KIAA2012: variants seen among roughly 807,000 people sequenced by gnomAD.
The protein encoded by KIAA2012 is KIAA2012.
A neutral mutation model predicts 150.6 loss-of-function variants in KIAA2012; 125 were observed. The ratio of observed to expected loss-of-function variants is 0.83; its 90% CI spans 0.72 to 0.96. KIAA2012 has a LOEUF of 0.96. KIAA2012 is among the 40% of genes least tolerant of loss of function. The probability of loss-of-function intolerance (pLI) is 0.00; values close to 1 mark genes in which losing one functional copy is unlikely to be tolerated. For synonymous variants in KIAA2012, 462 were observed against 504.7 expected (o/e 0.92, Z 1.13); for missense variants, 1,219 against 1,354.9 (o/e 0.90, Z 1.57).
At chr2:202,190,586 C>T in intron 19 of KIAA2012, 93 bp downstream of exon 19, 1 of 946,186 alleles carries the variant, frequency 1.1e-6, no homozygotes, top group Non-Finnish European at 1.6e-6. Flanking sequence ...TTATATTGCA[C>T]TTACTAAAAC....
intron 2 of KIAA2012, among the ~76,000 whole-genome samples, chr2:202,083,650 C>T (rs1002072233): frequency 6.6e-6 from 1 of 151,968 alleles, no homozygotes; most frequent in Non-Finnish European, 1.5e-5. Context: ...TTCAATCGAG[C>T]CAACGTCTGA....
chr2:202,180,413 T>C (rs1441314680), intron 15 of KIAA2012, among the ~76,000 whole-genome samples: 1 of 152,242 alleles, frequency 6.6e-6, no homozygotes, highest in Non-Finnish European at 1.5e-5. Context: ...TCTACATGGC[T>C]TAAATCGACT....
chr2:202,194,896 G>A (rs907963293), intron 21 of KIAA2012, among the ~76,000 whole-genome samples: 2 of 151,944 alleles, frequency 1.3e-5, no homozygotes, highest in African/African-American at 4.8e-5. Context: ...AGCCTTCCAA[G>A]TAGCTGGGAT....
chr2:202,196,916 G>A lies in KIAA2012; in HGVS notation c.3304G>A (p.Glu1102Lys). The change falls in exon 22 of 24, where the codon GAA (glutamate) becomes AAA (lysine). Residue 1102 changes from glutamate (E) to lysine (K), a missense_variant. Glu to Lys is a moderately conservative substitution (Grantham distance 56). Coordinates refer to ENST00000498697, the MANE Select transcript of KIAA2012 (RefSeq NM_001277372.4). Reference sequence around the variant, plus strand: ...GTACCAGCGGCGGAAACAGGAAGCAGAAGAGAAGGCTCGGCTGGAGGCAGA... The same window carrying A: ...GTACCAGCGGCGGAAACAGGAAGCAAAAGAGAAGGCTCGGCTGGAGGCAGA... ...LEYQRRKQEA[E>K]EKARLEAEER... 2 of 1,550,766 alleles carry A rather than the reference G, an allele frequency of 1.3e-6. No homozygotes were observed. Among genetic ancestry groups the A allele is most frequent in the African/African-American group, 1.4e-5 (1 of 73,170 alleles).
At chr2:202,201,359 C>A (rs1387113647) in intron 22 of KIAA2012, 50 of 1,584,982 alleles carry the variant, frequency 3.2e-5, no homozygotes, top group Non-Finnish European at 4.2e-5. Context: ...TCTTTCCCGG[C>A]ACAAAGGTGG....
chr2:202,125,333 C>T (rs1690757433), intron 12 of KIAA2012, 51 bp downstream of exon 12: 8 of 1,371,836 alleles, frequency 5.8e-6, no homozygotes, highest in Middle Eastern at 3.5e-4. Flanking sequence ...TAATTTGACT[C>T]ATGATCATAT....
At chr2:202,155,188 A>C (rs775547335) in intron 14 of KIAA2012, among the ~76,000 whole-genome samples, 2 of 152,350 alleles carry the variant, frequency 1.3e-5, no homozygotes, top group African/African-American at 2.4e-5. Context: ...ACTATAGAGA[A>C]GACTGATTCT....
intron 22 of KIAA2012, among the ~76,000 whole-genome samples, chr2:202,200,305 T>C (rs1159812792): frequency 1.3e-5 from 2 of 152,132 alleles, no homozygotes; most frequent in Non-Finnish European, 2.9e-5. Context: ...TAGCTCAGTT[T>C]TTCTGGCACC....
At chr2:202,134,970 T>G (rs1257676870) in intron 12 of KIAA2012, among the ~76,000 whole-genome samples, 1 of 152,244 alleles carries the variant, frequency 6.6e-6, no homozygotes, top group Admixed American at 6.5e-5. Flanking sequence ...TAGAATCAGA[T>G]GCCCTTTCCT....
At chr2:202,166,765 G>A (rs1691775626) in intron 15 of KIAA2012, among the ~76,000 whole-genome samples, 1 of 152,078 alleles carries the variant, frequency 6.6e-6, no homozygotes, top group Non-Finnish European at 1.5e-5. Context: ...GATCTTCATG[G>A]TTAATTATAA....
chr2:202,095,726 G>A (rs1330358884), intron 4 of KIAA2012, among the ~76,000 whole-genome samples: 1 of 152,110 alleles, frequency 6.6e-6, no homozygotes, highest in Non-Finnish European at 1.5e-5. Context: ...ATTACCAAAG[G>A]GAAAATTGTC....
intron 11 of KIAA2012, 118 bp from the exon 12 acceptor site, chr2:202,125,096 A>C: frequency 1.2e-6 from 1 of 801,260 alleles, no homozygotes; most frequent in Non-Finnish European, 2.0e-6. Context: ...GAAACAGTTC[A>C]TTGCAAAGCT....
chr2:202,204,681 T>C (rs911207355), intron 23 of KIAA2012, among the ~76,000 whole-genome samples: 1 of 152,248 alleles, frequency 6.6e-6, no homozygotes, highest in African/African-American at 2.4e-5. Context: ...ATTTGTAGTC[T>C]GTATTGCTGT....
rs111482360 is a variant in KIAA2012 at position 202,143,043 on chromosome 2, G to A, written c.1908+4535G>A. On this transcript the variant is annotated intron_variant, in intron 13 of 23. Coordinates refer to ENST00000498697, the MANE Select transcript of KIAA2012 (RefSeq NM_001277372.4). Reference sequence around the variant, plus strand: ...CCCTGCCAAATGCCCACTGGGGAGCGAAATCACCTCCAATTGACAACCACT... The same window carrying A: ...CCCTGCCAAATGCCCACTGGGGAGCAAAATCACCTCCAATTGACAACCACT... 2.0e-3 allele frequency among the ~76,000 whole-genome samples: 303 copies of A among 148,816 alleles called. 1 individual carries two copies. The highest frequency in any genetic ancestry group is 7.0e-3 in the African/African-American group (284 of 40,324).
intron 9 of KIAA2012, 93 bp from the exon 10 acceptor site, chr2:202,109,520 A>C: frequency 4.5e-6 from 5 of 1,110,428 alleles, no homozygotes; most frequent in Non-Finnish European, 5.0e-6. Flanking sequence ...GTCTTCACAC[A>C]GAGGTCCTTC....
chr2:202,126,042 A>C (rs1294886526), intron 12 of KIAA2012: 8 of 286,414 alleles, frequency 2.8e-5, no homozygotes, highest in Non-Finnish European at 3.8e-5. Flanking sequence ...GCAACCTCTG[A>C]CTCCCGGGTT....
chr2:202,165,867 G>T (rs937165687), intron 15 of KIAA2012, among the ~76,000 whole-genome samples: 1 of 152,198 alleles, frequency 6.6e-6, no homozygotes, highest in Admixed American at 6.5e-5. Flanking sequence ...AGAGCTTGTT[G>T]TTTGGGGGAT....
intron 2 of KIAA2012, among the ~76,000 whole-genome samples, chr2:202,086,709 A>G (rs1377854055): frequency 6.6e-6 from 1 of 152,184 alleles, no homozygotes; most frequent in Non-Finnish European, 1.5e-5. Flanking sequence ...AAGCCAATTG[A>G]ATAGTAAGCC....
In KIAA2012 at chr2:202,099,618, G is replaced by A. The variant is rs753006901; in HGVS notation, c.834G>A (p.Thr278=). The part of the protein sequence containing the change: ...WQEDETQAED[T]SIENHLCLYA... ...GTGTATCTGTCGTTCCCTAGGACAC[G>A]TCAATAGAGAATCACCTTTGTTTAT... The change falls in exon 6 of 24, where the codon ACG becomes ACA. Residue 278 remains threonine (T), a synonymous_variant. Coordinates refer to ENST00000498697, the MANE Select transcript of KIAA2012 (RefSeq NM_001277372.4). 1.1e-5 allele frequency: 17 copies of A among 1,549,424 alleles called. No homozygotes were observed. The highest frequency in any genetic ancestry group is 5.5e-5 in the African/African-American group (4 of 72,992).
Sources: gnomAD v4.1 joint callset for allele counts (sites outside exome capture counted in the v4.1 genomes callset) on GRCh38, gnomAD v4.1.1 for gene constraint, MANE v1.5 for transcripts, NCBI Gene and HGNC (gene_info 2026-07-23, HGNC 2026-07-21) for gene names.